Variants in ADSS2 observed in about 807,000 individuals in gnomAD.
ADSS2 encodes the protein adenylosuccinate synthetase isozyme 2.
In ADSS2, 30 loss-of-function variants were observed where a neutral mutation model predicts 60.0. The ratio of observed to expected loss-of-function variants is 0.50; its 90% confidence interval spans 0.37 to 0.68. The LOEUF is 0.68. Among genes scored for constraint, ADSS2 ranks in the 30% least tolerant of loss-of-function variants. The pLI is 0.00. For missense variants in ADSS2, 373 were observed against 554.8 expected, an observed-to-expected ratio of 0.67 and a Z score of 3.29; for synonymous variants, 187 against 193.1, an observed-to-expected ratio of 0.97 and a Z score of 0.26.
chr1:244,440,263 A>C (rs1024403174), intron 1 of ADSS2, among the ~76,000 whole-genome samples: 3 of 152,234 alleles, frequency 2.0e-5, no homozygotes, highest in Admixed American at 6.5e-5. Context: ...TATTTTTAAC[A>C]AATTGAATGT....
intron 4 of ADSS2, among the ~76,000 whole-genome samples, chr1:244,428,424 G>A (rs1280784900): frequency 1.3e-5 from 2 of 151,674 alleles, no homozygotes; most frequent in African/African-American, 4.8e-5. Flanking sequence ...GCGGAATATC[G>A]CTAACATAAT....
At chr1:244,434,727 TTATTA>T (rs1485256351) in intron 3 of ADSS2, among the ~76,000 whole-genome samples, 2 of 152,078 alleles carry the variant, frequency 1.3e-5, no homozygotes, top group African/African-American at 4.8e-5. Flanking sequence ...TAGGACAAAC[TTATTA>T]AAGGAGATGA....
chr1:244,428,350 T>C (rs1418420016), intron 4 of ADSS2, among the ~76,000 whole-genome samples: 1 of 152,154 alleles, frequency 6.6e-6, no homozygotes, highest in Non-Finnish European at 1.5e-5. Context: ...ATACTCAACT[T>C]ATAAGTTAAA....
chr1:244,436,809 A>G lies in ADSS2; in HGVS notation c.355+16T>C, dbSNP rs752030654. The G allele has an allele frequency of 1.3e-6, 2 of 1,593,874 alleles. No individual in the cohort carries two copies. The highest frequency in any genetic ancestry group is 1.7e-6 in the Non-Finnish European group (2 of 1,163,134). ...CAAAGAACAACTGGTTACCAAGTAG[A>G]CTCATTCTTTCATACCTTTTCCTTT... On this transcript the variant is annotated intron_variant, in intron 3 of 12. Transcript: ENST00000366535.
intron 1 of ADSS2, among the ~76,000 whole-genome samples, chr1:244,441,930 T>C (rs1665258961): frequency 6.6e-6 from 1 of 152,160 alleles, no homozygotes; most frequent in Admixed American, 6.5e-5. Context: ...CACTCCAGCC[T>C]GGGCCACAGA....
At chr1:244,450,535 C>G (rs1665527422) in intron 1 of ADSS2, among the ~76,000 whole-genome samples, 1 of 152,232 alleles carries the variant, frequency 6.6e-6, no homozygotes, top group Admixed American at 6.5e-5. Context: ...CTATAACTTA[C>G]TAGAACATAT....
At chr1:244,416,153 G>C (rs1664526887) in intron 10 of ADSS2, 75 bp from the exon 11 acceptor site, 1 of 986,924 alleles carries the variant, frequency 1.0e-6, no homozygotes, top group South Asian at 1.5e-5. Flanking sequence ...ATTAATGCAG[G>C]AGTAAAGAAA....
chr1:244,448,166 G>A (rs1665441499), intron 1 of ADSS2, among the ~76,000 whole-genome samples: 2 of 152,170 alleles, frequency 1.3e-5, no homozygotes, highest in South Asian at 4.1e-4. Flanking sequence ...ATGGGAAGTA[G>A]TCTGGCAGAT....
intron 11 of ADSS2, 134 bp from the exon 12 acceptor site, chr1:244,411,570 G>C (rs1352329858): frequency 1.1e-6 from 1 of 899,020 alleles, no homozygotes; most frequent in South Asian, 1.8e-5. Flanking sequence ...GAATTCTTCA[G>C]GTAGTAGAAA....
intron 1 of ADSS2, among the ~76,000 whole-genome samples, chr1:244,443,944 C>A (rs925043682): frequency 2.0e-5 from 3 of 152,136 alleles, no homozygotes; most frequent in Non-Finnish European, 4.4e-5. Flanking sequence ...AATTTTTAAA[C>A]CATTTTACTT....
rs1413628930 is a variant in ADSS2 at position 244,451,859 on chromosome 1, G to C, written c.-42C>G. The C allele has an allele frequency of 6.6e-7, 1 of 1,508,982 alleles. No individual in the cohort carries two copies. Among genetic ancestry groups the C allele is most frequent in the Non-Finnish European group, 8.8e-7 (1 of 1,130,728 alleles). 93.5% of individuals were successfully genotyped at this position (1,508,982 alleles called of 1,614,324 possible). On this transcript the variant is annotated 5_prime_UTR_variant, in exon 1 of 13. Coordinates refer to ENST00000366535, the MANE Select transcript of ADSS2 (RefSeq NM_001126.5). The surrounding 1 kb of genome is among the most constrained non-coding windows in gnomAD (Gnocchi z 6.6). ...GGAGAGCCCGAAGGAGAGGCGGCCGGCGAGGAGTGAGCGAACTGAACTGCT... is the reference window on the plus strand; with the variant it reads ...GGAGAGCCCGAAGGAGAGGCGGCCGCCGAGGAGTGAGCGAACTGAACTGCT...
In ADSS2 at chr1:244,416,013, T is replaced by C; in HGVS notation, c.1136A>G (p.Lys379Arg). The C allele has an allele frequency of 1.9e-6, 3 of 1,613,760 alleles. No individual in the cohort carries two copies. Among genetic ancestry groups the C allele is most frequent in the Non-Finnish European group, 2.5e-6 (3 of 1,179,792 alleles). Residue 379 changes from lysine (K) to arginine (R), a missense_variant, in exon 11 of 13, where the codon AAG becomes AGG. Around this residue, in one of 5 missense-constraint regions of ADSS2, gnomAD observed 130 missense variants for 169.4 expected, o/e 0.77. Transcript: ENST00000366535. ...FTEIKVGVAY[K>R]LDGEIIPHIP... ...ATGAGGTATGATTTCACCATCTAAC[T>C]TGTAAGCAACTCCAACTTTGATTTC...
chr1:244,443,248 C>T (rs1665292544), intron 1 of ADSS2, among the ~76,000 whole-genome samples: 1 of 152,210 alleles, frequency 6.6e-6, no homozygotes, highest in South Asian at 2.1e-4. Context: ...TAAGTTATCT[C>T]CCACAAATGT....
intron 12 of ADSS2, among the ~76,000 whole-genome samples, chr1:244,410,932 G>C (rs1044502275): frequency 1.3e-5 from 2 of 152,152 alleles, no homozygotes; most frequent in African/African-American, 4.8e-5. Context: ...CAAGTTAAAA[G>C]AAAAGACAGT....
intron 1 of ADSS2, among the ~76,000 whole-genome samples, chr1:244,448,975 CTATT>C (rs1331158494): frequency 6.6e-6 from 1 of 152,106 alleles, no homozygotes; most frequent in Non-Finnish European, 1.5e-5. Context: ...GGTTGGGCCT[CTATT>C]TAATTCTTCT....
chr1:244,409,707 C>T (rs1211222423), intron 12 of ADSS2, 69 bp from the exon 13 acceptor site: 1 of 1,215,570 alleles, frequency 8.2e-7, no homozygotes, highest in Non-Finnish European at 1.2e-6. Flanking sequence ...GGGATTAAAA[C>T]AGGTAGTCCC....
At chr1:244,441,354 G>A (rs1040680345) in intron 1 of ADSS2, among the ~76,000 whole-genome samples, 17 of 152,068 alleles carry the variant, frequency 1.1e-4, no homozygotes, top group African/African-American at 1.9e-4. Flanking sequence ...CACTGCGCCC[G>A]GCCAACTTAG....
At chr1:244,440,659 C>T (rs1338657471) in intron 1 of ADSS2, among the ~76,000 whole-genome samples, 1 of 152,178 alleles carries the variant, frequency 6.6e-6, no homozygotes, top group Non-Finnish European at 1.5e-5. Context: ...TTCTCATACC[C>T]TTGCTGTAAG....
chr1:244,434,918 C>T (rs1485144512), intron 3 of ADSS2, among the ~76,000 whole-genome samples: 3 of 152,028 alleles, frequency 2.0e-5, no homozygotes, highest in African/African-American at 7.2e-5. Context: ...TCTGTAATCC[C>T]AGCACCTTGG....
Sources: allele counts gnomAD v4.1 joint callset (sites outside exome capture counted in the v4.1 genomes callset), GRCh38; gene constraint gnomAD v4.1.1; regional missense constraint gnomAD v4.1.1; non-coding constraint Gnocchi (gnomAD v3.1); transcripts MANE v1.5; gene names NCBI Gene and HGNC (gene_info 2026-07-23, HGNC 2026-07-21).